The following AAK1 variants were observed in gnomAD, a reference collection of about 807,000 sequenced individuals.
AAK1 encodes AP2 associated kinase 1.
AAK1 carries 37 observed loss-of-function variants against 116.0 expected under a neutral mutation model. The ratio of observed to expected loss-of-function variants is 0.32; its 90% CI spans 0.25 to 0.42. The LOEUF (loss-of-function observed/expected upper bound fraction) is 0.42, where lower values mean the gene tolerates loss of function less well. Ranked by LOEUF, AAK1 falls within the 10% of genes least tolerant of loss-of-function variation. AAK1 has a pLI of 1.00. For missense variants in AAK1, 919 were observed against 1,170.6 expected, an observed-to-expected ratio of 0.79 and a Z score of 3.14; for synonymous variants, 458 against 439.9, an observed-to-expected ratio of 1.04 and a Z score of -0.51.
chr2:69,587,474 TA>T (rs1314995017), intron 2 of AAK1, among the ~76,000 whole-genome samples: 2,914 of 138,824 alleles, frequency 0.021, 83 homozygotes, highest in African/African-American at 0.072. Flanking sequence ...TATATATATA[TA>T]TATTTTTTTG....
At chr2:69,599,012 G>T in intron 2 of AAK1, 1 of 323,478 alleles carries the variant, frequency 3.1e-6, no homozygotes, top group Non-Finnish European at 6.1e-6. Context: ...AAGTGTTAAA[G>T]TTGTAGAAAA....
intron 17 of AAK1, among the ~76,000 whole-genome samples, chr2:69,488,713 T>C (rs2312207): frequency 0.6 from 91,552 of 151,944 alleles, 28,320 homozygotes; most frequent in East Asian, 0.8. Flanking sequence ...TACTCAAATG[T>C]CTTGGGTGAG....
intron 5 of AAK1, among the ~76,000 whole-genome samples, chr2:69,533,327 T>C (rs1328578034): frequency 6.6e-6 from 1 of 152,202 alleles, no homozygotes; most frequent in East Asian, 1.9e-4. Flanking sequence ...TGTGTGTATG[T>C]GTGTGCAAAC....
At chr2:69,495,028 A>G (rs1675681904) in intron 17 of AAK1, among the ~76,000 whole-genome samples, 1 of 152,188 alleles carries the variant, frequency 6.6e-6, no homozygotes, top group Non-Finnish European at 1.5e-5. Context: ...TGGGAGAGAA[A>G]AAAAACCAAG....
intron 2 of AAK1, among the ~76,000 whole-genome samples, chr2:69,584,660 G>A (rs776651314): frequency 1.3e-5 from 2 of 152,198 alleles, no homozygotes; most frequent in African/African-American, 2.4e-5. Flanking sequence ...TTAGGTGTCA[G>A]GTCAGGCTCT....
At chr2:69,524,050 TTTGGAAG>T (rs1414990844) in intron 10 of AAK1, among the ~76,000 whole-genome samples, 4 of 152,168 alleles carry the variant, frequency 2.6e-5, no homozygotes, top group African/African-American at 9.7e-5. Flanking sequence ...GCATCTGCTT[TTTGGAAG>T]AACCTAGGTT....
At chr2:69,511,469 A>G (rs891028543) in intron 13 of AAK1, among the ~76,000 whole-genome samples, 1 of 152,226 alleles carries the variant, frequency 6.6e-6, no homozygotes, top group East Asian at 1.9e-4. Flanking sequence ...CTCTGTGAAG[A>G]CAACCACAGC....
intron 20 of AAK1, 63 bp from the exon 21 acceptor site, chr2:69,477,053 A>C: frequency 8.9e-7 from 1 of 1,118,442 alleles, no homozygotes; most frequent in Non-Finnish European, 1.3e-6. Context: ...AAATGAGAGA[A>C]TGTGAAAGAG....
At chr2:69,520,261 T>G (rs1368501897) in intron 11 of AAK1, 1 of 159,562 alleles carries the variant, frequency 6.3e-6, no homozygotes, top group Non-Finnish European at 1.4e-5. Flanking sequence ...GGGCCAAGTC[T>G]AGAAAAAGCG....
Position 69,461,681 on chromosome 2 carries a change from G to A in AAK1, c.*14188C>T, listed in dbSNP as rs1231332552. 7 of 430,554 alleles carry A rather than the reference G, an allele frequency of 1.6e-5. No individual in the cohort carries two copies. Among genetic ancestry groups the A allele is most frequent in the Admixed American group, 5.0e-5 (2 of 39,680 alleles). The allele number at this position is 430,554 out of a possible 1,614,324, so 26.7% of individuals were successfully genotyped here. On this transcript the variant is annotated 3_prime_UTR_variant, in exon 22 of 22. Transcript: ENST00000409085. ...ACAATCTTGGCTCACTGCAAAGTCT[G>A]CCTCCCTGGGTCAAGCAATTCTGCC...
At chr2:69,601,857 C>T (rs904790088) in intron 2 of AAK1, among the ~76,000 whole-genome samples, 1 of 152,126 alleles carries the variant, frequency 6.6e-6, no homozygotes, top group Non-Finnish European at 1.5e-5. Context: ...TACAAAGTAT[C>T]ACCCTACAAA....
chr2:69,487,472 T>A (rs1396004130), intron 17 of AAK1, among the ~76,000 whole-genome samples: 1 of 152,214 alleles, frequency 6.6e-6, no homozygotes, highest in Admixed American at 6.5e-5. Flanking sequence ...TCAATCACGC[T>A]TCACATCAGC....
chr2:69,467,199 G>A lies in AAK1; in HGVS notation c.*8670C>T. 1.0e-6 allele frequency: 1 copy of A among 985,430 alleles called. No homozygotes were observed. Among genetic ancestry groups the A allele is most frequent in the Non-Finnish European group, 1.2e-6 (1 of 829,932 alleles). The allele number at this position is 985,430 out of a possible 1,614,324, so 61.0% of individuals were successfully genotyped here. On this transcript the variant is annotated 3_prime_UTR_variant, in exon 22 of 22. Transcript: ENST00000409085. ...ATCACCTTCAGCTGGAGTTGCCCCA[G>A]AATTTTGTTTTCAGTCTTCTAAGTT...
Position 69,462,556 on chromosome 2 carries a change from A to AT in AAK1, c.*13312dup, listed in dbSNP as rs1674367725. The AT allele has an allele frequency of 6.6e-6, 1 of 151,922 alleles. No homozygotes were observed. Among genetic ancestry groups the AT allele is most frequent in the African/African-American group, 2.4e-5 (1 of 41,310 alleles). The allele number at this position is 151,922 out of a possible 1,614,324, so 9.4% of individuals were successfully genotyped here. ...TAGCCAGGCGCGGTGGTGTGTGCCT[A>AT]TAATCCCAGCTACTCGGGAGGCTGA... On this transcript the variant is annotated 3_prime_UTR_variant, in exon 22 of 22. Transcript: ENST00000409085.
intron 5 of AAK1, among the ~76,000 whole-genome samples, chr2:69,540,121 CTTTTTT>C (rs538276702): frequency 7.8e-6 from 1 of 127,816 alleles, no homozygotes; most frequent in Non-Finnish European, 1.6e-5. Context: ...CCCCACTTGC[CTTTTTT>C]TTTTTTTTTT....
At chr2:69,568,713 T>C (rs1044391135) in intron 2 of AAK1, among the ~76,000 whole-genome samples, 5 of 152,314 alleles carry the variant, frequency 3.3e-5, no homozygotes, top group African/African-American at 1.2e-4. Context: ...GGTCATCCTA[T>C]TCTGCCCTGA....
intron 16 of AAK1, among the ~76,000 whole-genome samples, chr2:69,500,680 TATATATATATATATATATAC>T (rs1425886141): frequency 9.7e-6 from 1 of 102,578 alleles, no homozygotes; most frequent in African/African-American, 4.8e-5. Context: ...TATATATATA[TATATATATATATATATATAC>T]ACACACACAC....
At chr2:69,636,278 G>A (rs141042452) in intron 2 of AAK1, among the ~76,000 whole-genome samples, 4 of 152,154 alleles carry the variant, frequency 2.6e-5, no homozygotes, top group African/African-American at 9.6e-5. Flanking sequence ...TCTATTCCTG[G>A]CATACTCTTC....
At position 69,462,987 on chromosome 2, in the gene AAK1, A is replaced by C. The variant is rs1226812517; in HGVS notation, c.*12882T>G. ...TAGTTGGAAAACCAAACCTTGGCAC[A>C]GTGCCAATTATTTATCTTTTGATCA... On this transcript the variant is annotated 3_prime_UTR_variant, in exon 22 of 22. Coordinates refer to ENST00000409085, the MANE Select transcript of AAK1 (RefSeq NM_014911.5). The C allele has an allele frequency of 6.6e-6, 1 of 152,234 alleles. No homozygotes were observed. Among genetic ancestry groups the C allele is most frequent in the African/African-American group, 2.4e-5 (1 of 41,460 alleles). 9.4% of individuals were successfully genotyped at this position (152,234 alleles called of 1,614,324 possible). A position where few individuals can be genotyped will look rare whatever the true frequency, so the allele number is the denominator to read the frequency against.
Sources: allele counts gnomAD v4.1 joint callset (sites outside exome capture counted in the v4.1 genomes callset), GRCh38; gene constraint gnomAD v4.1.1; transcripts MANE v1.5; gene names NCBI Gene and HGNC (gene_info 2026-07-23, HGNC 2026-07-21).